Variants in WDPCP observed in about 807,000 individuals in gnomAD.
WDPCP encodes the protein WD repeat-containing and planar cell polarity effector protein fritz homolog.
In WDPCP, 71 loss-of-function variants were observed where a neutral mutation model predicts 93.1. The observed-to-expected ratio is 0.76, with a 90% CI of 0.63 to 0.93. The LOEUF is 0.93. Among genes scored for constraint, WDPCP ranks in the 40% least tolerant of loss-of-function variants. The probability of loss-of-function intolerance (pLI) is 0.00; values close to 1 mark genes in which losing one functional copy is unlikely to be tolerated. For synonymous variants in WDPCP, 315 were observed against 315.0 expected (o/e 1.00, Z 0.00); for missense variants, 844 against 887.4 (o/e 0.95, Z 0.62).
chr2:63,687,719 C>T (rs1386864502), intron 2 of WDPCP, among the ~76,000 whole-genome samples: 1 of 152,100 alleles, frequency 6.6e-6, no homozygotes, highest in Non-Finnish European at 1.5e-5. Flanking sequence ...AAAAAGAACC[C>T]CCGTGCATTG....
chr2:63,538,412 T>C (rs1401708119), intron 1 of WDPCP, among the ~76,000 whole-genome samples: 1 of 152,186 alleles, frequency 6.6e-6, no homozygotes, highest in East Asian at 1.9e-4. Flanking sequence ...TGCTGAAATC[T>C]ACTTGAGTTT....
chr2:63,637,097 T>C (rs908169623), intron 3 of WDPCP, among the ~76,000 whole-genome samples: 2 of 152,142 alleles, frequency 1.3e-5, no homozygotes, highest in Non-Finnish European at 2.9e-5. Context: ...CTCATGCCTG[T>C]AATCCCAGAA....
intron 3 of WDPCP, among the ~76,000 whole-genome samples, chr2:63,611,451 A>T (rs563305245): frequency 6.6e-6 from 1 of 152,236 alleles, no homozygotes; most frequent in East Asian, 1.9e-4. Flanking sequence ...CTTTTTTTTA[A>T]CAATACCTTG....
chr2:63,494,308 T>C (rs1280133785), intron 1 of WDPCP, among the ~76,000 whole-genome samples: 1 of 92,644 alleles, frequency 1.1e-5, no homozygotes, highest in Non-Finnish European at 2.2e-5. Context: ...ACGACAATGA[T>C]GATGACGATG....
At chr2:63,656,458 G>T (rs769165398) in intron 2 of WDPCP, among the ~76,000 whole-genome samples, 3 of 152,202 alleles carry the variant, frequency 2.0e-5, no homozygotes, top group African/African-American at 7.2e-5. Context: ...GGCTACAGGC[G>T]GGCTGAGAGG....
chr2:63,766,553 A>C (rs940470267), intron 2 of WDPCP, among the ~76,000 whole-genome samples: 3 of 151,022 alleles, frequency 2.0e-5, no homozygotes, highest in Non-Finnish European at 4.4e-5. Flanking sequence ...GGATATACTT[A>C]ATCTATGGAT....
intron 2 of WDPCP, among the ~76,000 whole-genome samples, chr2:63,661,903 TG>T (rs1414900339): frequency 6.6e-6 from 1 of 152,100 alleles, no homozygotes; most frequent in Non-Finnish European, 1.5e-5. Flanking sequence ...CAAAAATCAC[TG>T]GGACAAAGAT....
Position 63,501,456 on chromosome 2 carries a change from C to T in WDPCP, c.76-8516G>A, listed in dbSNP as rs555207696. ...TGGCACCTGCCTGTACTCCTAGCTA[C>T]TCAGGAGGCTGACAGAGGAGGATGG... On this transcript the variant is annotated intron_variant, in intron 1 of 17. Coordinates refer to ENST00000272321, the MANE Select transcript of WDPCP (RefSeq NM_015910.7). Among the ~76,000 whole-genome samples the T allele has an allele frequency of 2.0e-5, 3 of 152,278 alleles. No homozygotes were observed. In the East Asian group the frequency reaches 5.8e-4, roughly 29 times the overall value.
intron 2 of WDPCP, among the ~76,000 whole-genome samples, chr2:63,710,080 C>T (rs1038186166): frequency 6.6e-5 from 10 of 152,186 alleles, no homozygotes; most frequent in South Asian, 4.1e-4. Context: ...TTTGCCCCTC[C>T]GGATCTACTT....
upstream of WDPCP, among the ~76,000 whole-genome samples, chr2:63,592,323 T>C (rs1024304607): frequency 2.0e-5 from 3 of 152,214 alleles, no homozygotes; most frequent in Non-Finnish European, 4.4e-5. Flanking sequence ...TATATATGAA[T>C]AAAATACCTT....
chr2:63,581,589 G>A (rs1279650270), intron 1 of WDPCP, among the ~76,000 whole-genome samples: 1 of 152,134 alleles, frequency 6.6e-6, no homozygotes, highest in South Asian at 2.1e-4. Flanking sequence ...CCTAGTAGCT[G>A]AGCAATACTC....
At chr2:63,575,372 A>G (rs112106840) in intron 1 of WDPCP, among the ~76,000 whole-genome samples, 25 of 132,780 alleles carry the variant, frequency 1.9e-4, no homozygotes, top group Admixed American at 2.2e-4. Flanking sequence ...TATATACAGT[A>G]TATACAGTAT....
At position 63,140,640 on chromosome 2, in the gene WDPCP, T is replaced by C. The variant is rs144105077; in HGVS notation, c.2190+12274A>G. Among the ~76,000 whole-genome samples the C allele has an allele frequency of 2.2e-3, 337 of 152,214 alleles. 1 individual carries two copies. The highest frequency in any genetic ancestry group is 4.0e-3 in the Non-Finnish European group (273 of 68,010). ...GGTTGCTGTTGTTGTATAGAAGAGC[T>C]ACTGATTTTGTATATTAATCTTGTA... On this transcript the variant is annotated intron_variant, in intron 17 of 17. Coordinates refer to ENST00000272321, the MANE Select transcript of WDPCP (RefSeq NM_015910.7).
In WDPCP at chr2:63,766,976, G is replaced by C. The variant is rs543666849; in HGVS notation, n.308+46646C>G. Reference sequence around the variant, plus strand: ...ATTTTGACTATTCTAAGTTCATCTTGTCCTTTTTTAATGCCACCTTCTTGC... The same window carrying C: ...ATTTTGACTATTCTAAGTTCATCTTCTCCTTTTTTAATGCCACCTTCTTGC... On this transcript the variant is annotated intron_variant and non_coding_transcript_variant, in intron 2 of 4. Coordinates refer to the WDPCP transcript ENST00000467687. Among the ~76,000 whole-genome samples, 10 of 152,054 alleles carry C rather than the reference G, an allele frequency of 6.6e-5. 1 individual carries two copies. The highest frequency in any genetic ancestry group is 4.8e-5 in the African/African-American group (2 of 41,530).
chr2:63,699,126 T>G (rs1395668751), intron 2 of WDPCP, among the ~76,000 whole-genome samples: 1 of 152,130 alleles, frequency 6.6e-6, no homozygotes, highest in Non-Finnish European at 1.5e-5. Flanking sequence ...TAGCGAGTCC[T>G]GCTGATGAAG....
At chr2:63,430,085 A>G (rs572372293) in intron 9 of WDPCP, among the ~76,000 whole-genome samples, 39 of 152,184 alleles carry the variant, frequency 2.6e-4, no homozygotes, top group African/African-American at 9.4e-4. Flanking sequence ...CAACAGGGAT[A>G]CAGCTGGAGG....
At chr2:63,373,110 T>C (rs1257020850) in intron 12 of WDPCP, among the ~76,000 whole-genome samples, 3 of 151,818 alleles carry the variant, frequency 2.0e-5, no homozygotes, top group Admixed American at 2.0e-4. Context: ...GCAACAAGAG[T>C]GAAACGCCAT....
intron 3 of WDPCP, chr2:63,606,135 A>C: frequency 9.2e-7 from 1 of 1,085,854 alleles, no homozygotes; most frequent in Non-Finnish European, 1.4e-6. Flanking sequence ...TAATCCCAAC[A>C]CTTTGGAAGG....
chr2:63,722,560 G>T (rs1236755032), intron 2 of WDPCP, among the ~76,000 whole-genome samples: 2 of 94,380 alleles, frequency 2.1e-5, no homozygotes, highest in South Asian at 3.3e-4. Context: ...GAGGGAGGTG[G>T]GGGGGGGTCA....
Sources: allele counts gnomAD v4.1 joint callset (sites outside exome capture counted in the v4.1 genomes callset), GRCh38; gene constraint gnomAD v4.1.1; transcripts MANE v1.5; gene names NCBI Gene and HGNC (gene_info 2026-07-23, HGNC 2026-07-21).